The following ROBO2 variants were observed in gnomAD, a reference collection of about 807,000 sequenced individuals.
ROBO2 encodes roundabout guidance receptor 2.
In ROBO2, 53 loss-of-function variants were observed where a neutral mutation model predicts 160.8. The observed-to-expected ratio is 0.33, with a 90% confidence interval of 0.26 to 0.41. The LOEUF is 0.41. Among genes scored for constraint, ROBO2 ranks in the 10% least tolerant of loss-of-function variants. The pLI is 1.00. For synonymous variants in ROBO2, 664 were observed against 611.7 expected (o/e 1.09, Z -1.26); for missense variants, 1,577 against 1,722.4 (o/e 0.92, Z 1.49).
intron 2 of ROBO2, among the ~76,000 whole-genome samples, chr3:77,029,808 C>A (rs1012856730): frequency 6.6e-6 from 1 of 152,136 alleles, no homozygotes; most frequent in Non-Finnish European, 1.5e-5. Flanking sequence ...AAGACAATAT[C>A]TAAATTACCA....
chr3:77,596,892 TG>T, intron 19 of ROBO2, 142 bp downstream of exon 20: 1 of 998,656 alleles, frequency 1.0e-6, no homozygotes, highest in South Asian at 1.5e-5. Flanking sequence ...GCACTAACAG[TG>T]TTGTACATTT....
At chr3:75,940,311 G>A (rs907627898) in intron 2 of ROBO2, among the ~76,000 whole-genome samples, 1 of 152,128 alleles carries the variant, frequency 6.6e-6, no homozygotes, top group African/African-American at 2.4e-5. Context: ...AAGAAATGCA[G>A]TCTGAAATCT....
At chr3:76,441,105 CAA>C (rs552121734) in intron 2 of ROBO2, among the ~76,000 whole-genome samples, 1 of 150,434 alleles carries the variant, frequency 6.6e-6, no homozygotes, top group Non-Finnish European at 1.5e-5. Context: ...GATTCTATTC[CAA>C]AAAAAAAGTC....
At chr3:76,657,293 C>A (rs1366990891) in intron 2 of ROBO2, among the ~76,000 whole-genome samples, 1 of 151,720 alleles carries the variant, frequency 6.6e-6, no homozygotes, top group East Asian at 1.9e-4. Flanking sequence ...GGCTTGGTGG[C>A]GGGCGCCTGT....
chr3:76,441,755 C>T (rs566745996), intron 2 of ROBO2, among the ~76,000 whole-genome samples: 8 of 152,298 alleles, frequency 5.3e-5, no homozygotes, highest in African/African-American at 1.7e-4. Flanking sequence ...AATGTCAAGC[C>T]AATTTTCATG....
chr3:76,867,297 T>C (rs770013561), intron 2 of ROBO2, among the ~76,000 whole-genome samples: 3 of 152,322 alleles, frequency 2.0e-5, no homozygotes, highest in African/African-American at 4.8e-5. Flanking sequence ...TATAGGTTAA[T>C]GGGCACTTAC....
intron 2 of ROBO2, among the ~76,000 whole-genome samples, chr3:77,377,002 G>A (rs1461557727): frequency 1.3e-5 from 2 of 152,050 alleles, no homozygotes; most frequent in Admixed American, 6.6e-5. Flanking sequence ...GAAATTCCTA[G>A]GCCAGGTTTA....
At chr3:76,843,972 T>G (rs968014587) in intron 2 of ROBO2, among the ~76,000 whole-genome samples, 1 of 151,992 alleles carries the variant, frequency 6.6e-6, no homozygotes, top group African/African-American at 2.4e-5. Context: ...AAGGTGGGAT[T>G]TTTTAATCAT....
intron 5 of ROBO2, among the ~76,000 whole-genome samples, chr3:77,499,357 T>C (rs1419092193): frequency 2.6e-5 from 4 of 152,136 alleles, no homozygotes. Context: ...TTACTGATCT[T>C]ATAGGGTGAA....
At position 76,925,228 on chromosome 3, in the gene ROBO2, A is replaced by AT. The variant is rs1553693998; in HGVS notation, c.110-172786_110-172785insT. On this transcript the variant is annotated intron_variant, in intron 2 of 26. Coordinates refer to the ROBO2 transcript ENST00000487694. ...TCCGTCTCAAAAAAAAAAAAAAAAA[A>AT]AAATCTGGTTTGCTTTTCTAAACCT... Among the ~76,000 whole-genome samples, 698 of 147,548 alleles carry AT rather than the reference A, an allele frequency of 4.7e-3. 11 individuals carry two copies. The highest frequency in any genetic ancestry group is 0.016 in the African/African-American group (648 of 39,722).
chr3:76,319,546 G>A (rs1018866656), intron 2 of ROBO2, among the ~76,000 whole-genome samples: 1 of 151,782 alleles, frequency 6.6e-6, no homozygotes, highest in Admixed American at 6.6e-5. Flanking sequence ...AGTTGCACTT[G>A]GTTCTATTTT....
chr3:76,474,941 G>C (rs935374290), intron 2 of ROBO2, among the ~76,000 whole-genome samples: 1 of 152,070 alleles, frequency 6.6e-6, no homozygotes, highest in African/African-American at 2.4e-5. Flanking sequence ...GGCAACGTCA[G>C]AAACGCAAGA....
intron 2 of ROBO2, among the ~76,000 whole-genome samples, chr3:76,167,799 A>G (rs1404210155): frequency 6.6e-6 from 1 of 152,216 alleles, no homozygotes; most frequent in East Asian, 1.9e-4. Flanking sequence ...ATAACAGTAG[A>G]TTTGTGTTCT....
At chr3:76,072,355 T>C (rs1489092) in intron 2 of ROBO2, among the ~76,000 whole-genome samples, 95,488 of 151,940 alleles carry the variant, frequency 0.63, 30,670 homozygotes, top group Middle Eastern at 0.76. Context: ...ATATTTTACC[T>C]GCTATTTTGT....
At chr3:76,121,442 A>G (rs2108290521) in intron 2 of ROBO2, among the ~76,000 whole-genome samples, 1 of 152,270 alleles carries the variant, frequency 6.6e-6, no homozygotes, top group Non-Finnish European at 1.5e-5. Context: ...CTCTCCTAAA[A>G]TTGGTACAGG....
At chr3:77,348,891 T>TATC (rs2067981865) in intron 2 of ROBO2, among the ~76,000 whole-genome samples, 1 of 152,110 alleles carries the variant, frequency 6.6e-6, no homozygotes, top group South Asian at 2.1e-4. Context: ...TCTGCTTCAT[T>TATC]ATCTTTTCCA....
chr3:77,364,192 T>G (rs972506687), intron 2 of ROBO2, among the ~76,000 whole-genome samples: 1 of 152,148 alleles, frequency 6.6e-6, no homozygotes, highest in Admixed American at 6.6e-5. Context: ...ATGTCTTATT[T>G]TCTGATATAT....
At chr3:76,322,208 T>TATAC (rs1262581750) in intron 2 of ROBO2, among the ~76,000 whole-genome samples, 63 of 128,244 alleles carry the variant, frequency 4.9e-4, no homozygotes, top group African/African-American at 7.2e-4. Context: ...ATATATAATA[T>TATAC]ACACACACAT....
chr3:77,262,161 T>G (rs962278446), intron 2 of ROBO2, among the ~76,000 whole-genome samples: 6 of 152,142 alleles, frequency 3.9e-5, no homozygotes, highest in Non-Finnish European at 8.8e-5. Context: ...CATCATTTCA[T>G]ACAATAGCTG....
Sources: allele counts gnomAD v4.1 joint callset (sites outside exome capture counted in the v4.1 genomes callset), GRCh38; gene constraint gnomAD v4.1.1; transcripts MANE v1.5; gene names NCBI Gene and HGNC (gene_info 2026-07-23, HGNC 2026-07-21).